ANKS1B: variants seen among roughly 807,000 people sequenced by gnomAD.
ANKS1B encodes the protein ankyrin repeat and sterile alpha motif domain-containing protein 1B.
Under a neutral mutation model 148.3 loss-of-function variants are expected in ANKS1B, and 36 were observed. The ratio of observed to expected loss-of-function variants is 0.24; its 90% CI spans 0.19 to 0.32. ANKS1B has a LOEUF of 0.32. ANKS1B is among the 10% of genes least tolerant of loss of function. ANKS1B has a pLI of 1.00. For missense variants in ANKS1B, 1,157 were observed against 1,542.6 expected, an observed-to-expected ratio of 0.75 and a Z score of 4.19; for synonymous variants, 542 against 560.8, an observed-to-expected ratio of 0.97 and a Z score of 0.47.
chr12:99,836,205 A>G (rs1291790556), intron 1 of ANKS1B, among the ~76,000 whole-genome samples: 4 of 152,210 alleles, frequency 2.6e-5, no homozygotes, highest in Non-Finnish European at 4.4e-5. Flanking sequence ...ATCGAAACAC[A>G]TACAGACACA....
At chr12:99,191,782 T>C (rs889438583) in intron 14 of ANKS1B, among the ~76,000 whole-genome samples, 3 of 152,106 alleles carry the variant, frequency 2.0e-5, no homozygotes, top group Non-Finnish European at 4.4e-5. Context: ...CCGTGGCACG[T>C]GTATACCTAT....
intron 10 of ANKS1B, among the ~76,000 whole-genome samples, chr12:99,499,646 C>T (rs928694845): frequency 6.6e-6 from 1 of 151,996 alleles, no homozygotes; most frequent in Non-Finnish European, 1.5e-5. Context: ...CGAGAAAGTC[C>T]AAGTAGGCCA....
At chr12:99,294,720 C>T (rs564806166) in intron 12 of ANKS1B, among the ~76,000 whole-genome samples, 9 of 152,028 alleles carry the variant, frequency 5.9e-5, no homozygotes, top group African/African-American at 9.7e-5. Context: ...ATGGCGCGAT[C>T]TTGGCTCACC....
chr12:99,523,428 T>A (rs983427111), intron 9 of ANKS1B, among the ~76,000 whole-genome samples: 2 of 152,194 alleles, frequency 1.3e-5, no homozygotes, highest in African/African-American at 4.8e-5. Context: ...GGGACAGATA[T>A]TGCAGCTGAT....
chr12:99,246,928 GTGCCCT>G, intron 12 of ANKS1B, 64 bp from the exon 13 acceptor site: 1 of 1,233,462 alleles, frequency 8.1e-7, no homozygotes, highest in East Asian at 2.3e-5. Flanking sequence ...TATAATAGCA[GTGCCCT>G]TATGAACATG....
chr12:98,979,847 A>G (rs2099906574), intron 17 of ANKS1B, among the ~76,000 whole-genome samples: 1 of 152,030 alleles, frequency 6.6e-6, no homozygotes, highest in African/African-American at 2.4e-5. Context: ...TTCTTGAGAT[A>G]TTATCCCCCA....
intron 1 of ANKS1B, 38 bp from the exon 2 acceptor site, chr12:99,825,427 C>T (rs2153683336): frequency 1.3e-6 from 2 of 1,542,674 alleles, no homozygotes; most frequent in African/African-American, 1.4e-5. Flanking sequence ...AACAGTGAAG[C>T]CAGATCTTGC....
chr12:98,855,262 T>C (rs955914207), intron 17 of ANKS1B, among the ~76,000 whole-genome samples: 2 of 152,204 alleles, frequency 1.3e-5, no homozygotes, highest in African/African-American at 4.8e-5. Context: ...CGTTGACAAT[T>C]CTAACAAAGG....
chr12:99,108,135 A>C (rs904778767), intron 15 of ANKS1B, among the ~76,000 whole-genome samples: 2 of 152,226 alleles, frequency 1.3e-5, no homozygotes, highest in Admixed American at 6.5e-5. Flanking sequence ...AATCCCTATG[A>C]TTCCTACTCC....
At chr12:99,513,291 T>G (rs1283097196) in intron 9 of ANKS1B, among the ~76,000 whole-genome samples, 1 of 152,080 alleles carries the variant, frequency 6.6e-6, no homozygotes. Context: ...TAAACATTAC[T>G]TTAATATGCA....
intron 19 of ANKS1B, among the ~76,000 whole-genome samples, chr12:98,816,494 C>T (rs765172435): frequency 1.3e-5 from 2 of 152,224 alleles, no homozygotes; most frequent in Non-Finnish European, 2.9e-5. Context: ...CGGGGTTTCG[C>T]CATGTTGGCC....
At chr12:99,503,753 C>T (rs1379244897) in intron 10 of ANKS1B, among the ~76,000 whole-genome samples, 4 of 151,794 alleles carry the variant, frequency 2.6e-5, no homozygotes, top group South Asian at 2.1e-4. Context: ...AAGTAAGTTG[C>T]GACTGCATTA....
chr12:99,535,925 T>G (rs925597012), intron 9 of ANKS1B, among the ~76,000 whole-genome samples: 1 of 152,190 alleles, frequency 6.6e-6, no homozygotes, highest in Non-Finnish European at 1.5e-5. Flanking sequence ...TTAAATTTGC[T>G]CTAATCCCAT....
rs115542945 is a variant in ANKS1B, at chr12:99,170,054, T to C, written c.2420-15659A>G. Among the ~76,000 whole-genome samples the C allele has an allele frequency of 5.7e-3, 872 of 152,324 alleles. 13 individuals carry two copies. The highest frequency in any genetic ancestry group is 0.02 in the African/African-American group (844 of 41,578). On this transcript the variant is annotated intron_variant, in intron 14 of 26. Coordinates refer to ENST00000683438, the MANE Select transcript of ANKS1B (RefSeq NM_001352186.2). ...CCCTTCACCTTACATTCATTATTCT[T>C]GGCTTCTAATGTGAAAAGCCATGAG...
intron 15 of ANKS1B, among the ~76,000 whole-genome samples, chr12:99,137,613 C>T (rs1348804567): frequency 6.6e-6 from 1 of 152,122 alleles, no homozygotes; most frequent in African/African-American, 2.4e-5. Flanking sequence ...CGCCTGGCCC[C>T]TGTTTGGTAA....
At chr12:99,928,681 G>A (rs1342867935) in intron 1 of ANKS1B, among the ~76,000 whole-genome samples, 1 of 152,154 alleles carries the variant, frequency 6.6e-6, no homozygotes, top group South Asian at 2.1e-4. Context: ...GTGCTAAGTA[G>A]CATAATTGTG....
intron 1 of ANKS1B, among the ~76,000 whole-genome samples, chr12:99,902,932 G>GTTGTTGTTT (rs1485108551): frequency 9.9e-5 from 15 of 151,610 alleles, no homozygotes; most frequent in African/African-American, 3.6e-4. Flanking sequence ...TGTTGTTGTT[G>GTTGTTGTTT]TTGCTGTTGT....
chr12:99,957,520 C>T (rs982202990), intron 1 of ANKS1B, among the ~76,000 whole-genome samples: 4 of 152,148 alleles, frequency 2.6e-5, no homozygotes, highest in African/African-American at 9.7e-5. Context: ...TTTAAAGTGG[C>T]TTTTCCCTCC....
At chr12:99,204,872 A>G (rs2082461525) in intron 14 of ANKS1B, among the ~76,000 whole-genome samples, 1 of 152,108 alleles carries the variant, frequency 6.6e-6, no homozygotes, top group African/African-American at 2.4e-5. Flanking sequence ...TTAACCCTTG[A>G]TTTTCTTGAG....
Sources: allele counts gnomAD v4.1 joint callset (sites outside exome capture counted in the v4.1 genomes callset), GRCh38; gene constraint gnomAD v4.1.1; transcripts MANE v1.5; gene names NCBI Gene and HGNC (gene_info 2026-07-23, HGNC 2026-07-21).